THSD4: variants seen among roughly 807,000 people sequenced by gnomAD.
THSD4 encodes the protein thrombospondin type 1 domain containing 4, also known as thrombospondin type-1 domain-containing protein 4.
Under a neutral mutation model 119.0 loss-of-function variants are expected in THSD4, and 69 were observed. The ratio of observed to expected loss-of-function variants is 0.58; its 90% CI spans 0.48 to 0.71. The LOEUF is 0.71. THSD4 is among the 30% of genes least tolerant of loss of function. The probability of loss-of-function intolerance (pLI) is 0.00; values close to 1 mark genes in which losing one functional copy is unlikely to be tolerated. For missense variants in THSD4, 1,393 were observed against 1,391.1 expected (o/e 1.00, Z -0.02); for synonymous variants, 524 against 540.4 (o/e 0.97, Z 0.42).
intron 6 of THSD4, among the ~76,000 whole-genome samples, chr15:71,361,273 G>T (rs1016129618): frequency 2.0e-5 from 3 of 152,190 alleles, no homozygotes; most frequent in African/African-American, 7.2e-5. Flanking sequence ...TCTGTGCCCA[G>T]ATTCTGCTGT....
At chr15:71,201,306 C>T (rs984361318) in intron 3 of THSD4, among the ~76,000 whole-genome samples, 5 of 152,116 alleles carry the variant, frequency 3.3e-5, no homozygotes, top group Admixed American at 6.5e-5. Context: ...AACAGATTAG[C>T]GACTCTCCTA....
chr15:71,405,049 T>C (rs1267514807), intron 6 of THSD4, among the ~76,000 whole-genome samples: 3 of 152,014 alleles, frequency 2.0e-5, no homozygotes, highest in Non-Finnish European at 4.4e-5. Flanking sequence ...CAACCATGCC[T>C]GGCTAATTTT....
rs535893054 is a variant in THSD4, at chr15:71,540,103, C to G, written c.1153-120427C>G. On this transcript the variant is annotated intron_variant, in intron 7 of 17. Transcript: ENST00000261862. ...TGCATGGCTTCATTTCTCTTCTTAA[C>G]TATTATTACAACCATTATTTCATTT... 5.4e-5 allele frequency among the ~76,000 whole-genome samples: 8 copies of G among 149,462 alleles called. No individual in the cohort carries two copies. In the South Asian group the frequency reaches 1.7e-3, roughly 32 times the overall value.
chr15:71,659,046 TG>T (rs2140993382), intron 7 of THSD4, among the ~76,000 whole-genome samples: 1 of 152,344 alleles, frequency 6.6e-6, no homozygotes, highest in East Asian at 1.9e-4. Flanking sequence ...AAATCAAAAG[TG>T]GACTTTGACT....
At chr15:71,261,388 CA>C in intron 6 of THSD4, among the ~76,000 whole-genome samples, 1 of 152,246 alleles carries the variant, frequency 6.6e-6, no homozygotes, top group Non-Finnish European at 1.5e-5. Context: ...ACCCTACCAA[CA>C]CATTGATTTT....
At chr15:71,241,867 T>G (rs1183174749) in intron 4 of THSD4, among the ~76,000 whole-genome samples, 2 of 152,242 alleles carry the variant, frequency 1.3e-5, no homozygotes, top group African/African-American at 2.4e-5. Context: ...CAACACAAAT[T>G]CGTAAACTTT....
At chr15:71,143,901 G>C (rs993711243) in intron 2 of THSD4, among the ~76,000 whole-genome samples, 3 of 151,968 alleles carry the variant, frequency 2.0e-5, no homozygotes, top group African/African-American at 7.3e-5. Context: ...GATCTGAGCA[G>C]GGTGTGTGGT....
intron 8 of THSD4, among the ~76,000 whole-genome samples, chr15:71,726,340 G>A (rs1290500184): frequency 6.6e-6 from 1 of 152,148 alleles, no homozygotes; most frequent in Non-Finnish European, 1.5e-5. Context: ...CAGAGCTCTG[G>A]GAAGGCCCAT....
chr15:71,620,475 C>T (rs2050401381), intron 7 of THSD4, among the ~76,000 whole-genome samples: 1 of 151,874 alleles, frequency 6.6e-6, no homozygotes, highest in South Asian at 2.1e-4. Flanking sequence ...CATGGTGGTG[C>T]ATGCCCGGAG....
chr15:71,690,452 C>T (rs190635771), intron 8 of THSD4, among the ~76,000 whole-genome samples: 15 of 152,194 alleles, frequency 9.9e-5, no homozygotes, highest in East Asian at 7.7e-4. Flanking sequence ...CTGACTGGGG[C>T]GTGGGGACCT....
intron 2 of THSD4, among the ~76,000 whole-genome samples, chr15:71,153,958 G>T (rs904881950): frequency 6.6e-6 from 1 of 152,078 alleles, no homozygotes; most frequent in Non-Finnish European, 1.5e-5. Context: ...GCGGGACTTG[G>T]GGCAGGAGAG....
intron 3 of THSD4, among the ~76,000 whole-genome samples, chr15:71,160,123 A>G (rs2043237529): frequency 6.6e-6 from 1 of 152,134 alleles, no homozygotes; most frequent in African/African-American, 2.4e-5. Context: ...TGTCACATGT[A>G]TTGATTTACA....
intron 7 of THSD4, among the ~76,000 whole-genome samples, chr15:71,592,618 C>G (rs986508922): frequency 6.6e-6 from 1 of 151,790 alleles, no homozygotes. Flanking sequence ...ACACTGTGGG[C>G]TGGATTCACT....
intron 7 of THSD4, among the ~76,000 whole-genome samples, chr15:71,480,152 C>A (rs777172726): frequency 7.2e-5 from 11 of 152,132 alleles, no homozygotes; most frequent in Non-Finnish European, 1.6e-4. Flanking sequence ...TCCTCCCACC[C>A]AAGCCTCCCA....
intron 7 of THSD4, among the ~76,000 whole-genome samples, chr15:71,584,782 C>G (rs7172608): frequency 0.33 from 50,081 of 151,990 alleles, 8,754 homozygotes; most frequent in South Asian, 0.39. Flanking sequence ...CTTTCTTCCT[C>G]TCTAGATGTC....
intron 10 of THSD4, 81 bp from the exon 11 acceptor site, chr15:71,737,651 C>G: frequency 1.3e-6 from 2 of 1,483,722 alleles, no homozygotes; most frequent in Non-Finnish European, 1.8e-6. Context: ...TACACAGTCT[C>G]TAATGTCGAA....
At chr15:71,277,558 A>G (rs552914959) in intron 6 of THSD4, among the ~76,000 whole-genome samples, 1 of 152,318 alleles carries the variant, frequency 6.6e-6, no homozygotes, top group East Asian at 1.9e-4. Context: ...ACCATCAGTT[A>G]ACTGTTTGAG....
At chr15:71,747,297 C>T (rs1398829091) in intron 13 of THSD4, among the ~76,000 whole-genome samples, 2 of 152,174 alleles carry the variant, frequency 1.3e-5, no homozygotes, top group Admixed American at 1.3e-4. Flanking sequence ...GCCTCATCTG[C>T]TTTGTGAGTC....
Position 71,781,069 on chromosome 15 carries a change from A to G in THSD4, c.*3695A>G, listed in dbSNP as rs2053991089. 3.4e-6 allele frequency: 1 copy of G among 295,578 alleles called. No homozygotes were observed. Among genetic ancestry groups the G allele is most frequent in the Admixed American group, 4.2e-5 (1 of 23,668 alleles). 18.3% of individuals were successfully genotyped at this position (295,578 alleles called of 1,614,324 possible). A position where few individuals can be genotyped will look rare whatever the true frequency, so the allele number is the denominator to read the frequency against. Reference sequence around the variant, plus strand: ...CCTTAAAACAGGCTGGATAATCTATATCAGCCTTGTGGGTGGAGACTAGTA... The same window carrying G: ...CCTTAAAACAGGCTGGATAATCTATGTCAGCCTTGTGGGTGGAGACTAGTA... On this transcript the variant is annotated 3_prime_UTR_variant, in exon 18 of 18. Coordinates refer to ENST00000261862, the MANE Select transcript of THSD4 (RefSeq NM_024817.3).
Sources: gnomAD v4.1 joint callset for allele counts (sites outside exome capture counted in the v4.1 genomes callset) on GRCh38, gnomAD v4.1.1 for gene constraint, MANE v1.5 for transcripts, NCBI Gene and HGNC (gene_info 2026-07-23, HGNC 2026-07-21) for gene names.